The following TECPR2 variants were observed in gnomAD, a reference collection of about 807,000 sequenced individuals.
TECPR2 encodes the protein tectonin beta-propeller repeat containing 2, also known as tectonin beta-propeller repeat-containing protein 2.
Under a neutral mutation model 138.1 loss-of-function variants are expected in TECPR2, and 65 were observed. The ratio of observed to expected loss-of-function variants is 0.47; its 90% CI spans 0.39 to 0.58. The LOEUF is 0.58. TECPR2 is among the 20% of genes least tolerant of loss of function. The probability of loss-of-function intolerance (pLI) is 0.00; values close to 1 mark genes in which losing one functional copy is unlikely to be tolerated. For synonymous variants in TECPR2, 746 were observed against 749.8 expected (o/e 0.99, Z 0.08); for missense variants, 1,553 against 1,824.5 (o/e 0.85, Z 2.71).
chr14:102,429,663 G>A (rs1372407193), intron 7 of TECPR2, among the ~76,000 whole-genome samples: 1 of 152,130 alleles, frequency 6.6e-6, no homozygotes, highest in African/African-American at 2.4e-5. Flanking sequence ...GGGCAAATTG[G>A]GGTGAATATT....
At chr14:102,424,623 C>A (rs1889265284) in intron 5 of TECPR2, among the ~76,000 whole-genome samples, 1 of 152,204 alleles carries the variant, frequency 6.6e-6, no homozygotes, top group Non-Finnish European at 1.5e-5. Flanking sequence ...CATGATGCAT[C>A]CAGCCTGAAT....
intron 17 of TECPR2, among the ~76,000 whole-genome samples, chr14:102,481,192 C>A (rs562943772): frequency 6.6e-6 from 1 of 151,644 alleles, no homozygotes; most frequent in East Asian, 2.0e-4. Context: ...TTAGTAGAGA[C>A]GGGGTTTCTC....
At chr14:102,414,857 G>A in intron 5 of TECPR2, 64 bp downstream of exon 5, 3 of 1,572,856 alleles carry the variant, frequency 1.9e-6, no homozygotes, top group Non-Finnish European at 2.6e-6. Context: ...GGTGCTTTAG[G>A]GTTTCTTAGG....
At chr14:102,483,108 C>G (rs568093219) in intron 17 of TECPR2, among the ~76,000 whole-genome samples, 1 of 152,142 alleles carries the variant, frequency 6.6e-6, no homozygotes, top group Admixed American at 6.5e-5. Context: ...GTCTCGGCCT[C>G]TCAAAGTGCT....
chr14:102,371,924 T>C (rs531404932), intron 1 of TECPR2, among the ~76,000 whole-genome samples: 1 of 152,318 alleles, frequency 6.6e-6, no homozygotes, highest in African/African-American at 2.4e-5. Context: ...TATATACATA[T>C]ATCTGTAGCT....
chr14:102,460,158 T>C (rs1043015389), intron 16 of TECPR2, among the ~76,000 whole-genome samples: 1 of 151,960 alleles, frequency 6.6e-6, no homozygotes, highest in Non-Finnish European at 1.5e-5. Context: ...TAGTCTCAGC[T>C]ACTCAGGAGG....
intron 1 of TECPR2, among the ~76,000 whole-genome samples, chr14:102,364,784 G>C (rs1887298673): frequency 6.6e-6 from 1 of 152,092 alleles, no homozygotes; most frequent in Non-Finnish European, 1.5e-5. Context: ...ATGGCTACTG[G>C]AACTTAGTGG....
intron 9 of TECPR2, among the ~76,000 whole-genome samples, chr14:102,436,751 C>T (rs890968852): frequency 6.6e-6 from 1 of 152,240 alleles, no homozygotes; most frequent in African/African-American, 2.4e-5. Context: ...TGGATTCCAT[C>T]TTCCTGAGCC....
chr14:102,411,698 T>TA (rs1219515960), intron 4 of TECPR2, among the ~76,000 whole-genome samples: 9 of 9,682 alleles, frequency 9.3e-4, no homozygotes, highest in Admixed American at 1.7e-3. Flanking sequence ...GCCATGTTGC[T>TA]CAAAAAAAAA....
At position 102,443,905 on chromosome 14, in the gene TECPR2, C is replaced by T. The variant is rs1889902460; in HGVS notation, c.2933+78C>T. ...CTTGTCCACTTGACACCACAAGGCA[C>T]CATGAGGCCGTTCCTGGGAGGCAGC... On this transcript the variant is annotated intron_variant, in intron 12 of 19. Coordinates refer to ENST00000359520, the MANE Select transcript of TECPR2 (RefSeq NM_014844.5). This position sits in a 1 kb window ranked among gnomAD's most constrained non-coding sequence, Gnocchi z 4.9. 2.9e-6 allele frequency: 4 copies of T among 1,376,284 alleles called. No homozygotes were observed. The highest frequency in any genetic ancestry group is 2.5e-5 in the East Asian group (1 of 40,210). The allele number at this position is 1,376,284 out of a possible 1,614,324, so 85.3% of individuals were successfully genotyped here.
intron 15 of TECPR2, among the ~76,000 whole-genome samples, chr14:102,451,912 C>T (rs10400743): frequency 0.099 from 15,042 of 152,108 alleles, 1,078 homozygotes; most frequent in African/African-American, 0.21. Flanking sequence ...TGCCCCACCC[C>T]CCGGCCCCAT....
At chr14:102,433,966 T>C (rs1199555171) in intron 8 of TECPR2, among the ~76,000 whole-genome samples, 1 of 152,208 alleles carries the variant, frequency 6.6e-6, no homozygotes, top group Non-Finnish European at 1.5e-5. Context: ...TTAATAATTA[T>C]AAGGAATTGG....
chr14:102,384,463 G>T (rs1201079730), intron 2 of TECPR2, among the ~76,000 whole-genome samples: 4 of 151,594 alleles, frequency 2.6e-5, no homozygotes, highest in Non-Finnish European at 4.4e-5. Context: ...CGGATCACGA[G>T]GTCAGGAGTT....
intron 17 of TECPR2, among the ~76,000 whole-genome samples, chr14:102,467,893 G>A (rs1890580938): frequency 6.6e-6 from 1 of 151,376 alleles, no homozygotes; most frequent in Admixed American, 6.6e-5. Flanking sequence ...CTGGAGTGCA[G>A]TGGCGCAATC....
At chr14:102,493,312 G>A (rs971246745) in intron 17 of TECPR2, among the ~76,000 whole-genome samples, 1 of 152,346 alleles carries the variant, frequency 6.6e-6, no homozygotes, top group Non-Finnish European at 1.5e-5. Context: ...CCGCTTTTCT[G>A]TCTTCTCCAC....
intron 9 of TECPR2, 51 bp downstream of exon 9, chr14:102,435,262 G>A: frequency 6.5e-7 from 1 of 1,530,712 alleles, no homozygotes; most frequent in Non-Finnish European, 8.7e-7. Context: ...TTTCTTAAGG[G>A]TAATAATTGT....
Position 102,425,194 on chromosome 14 carries a change from C to A in TECPR2, c.854C>A (p.Pro285His). Residue 285 changes from proline to histidine, a missense_variant, in exon 6 of 20, where the codon CCT becomes CAT. Physicochemically the swap from Pro to His is moderately conservative, Grantham distance 77. Transcript: ENST00000359520. ...ESPNSGSCSL[P>H]ERHLGLVSCF... is the part of the protein sequence containing the mutation. ...CCCAACAGTGGAAGTTGCAGCTTAC[C>A]TGAGAGGCACCTGGGGCTTGTTTCA... 6.2e-7 allele frequency: 1 copy of A among 1,614,124 alleles called. No individual in the cohort carries two copies. The highest frequency in any genetic ancestry group is 8.5e-7 in the Non-Finnish European group (1 of 1,180,018).
chr14:102,432,439 C>G (rs192731428), intron 8 of TECPR2, among the ~76,000 whole-genome samples: 1 of 151,848 alleles, frequency 6.6e-6, no homozygotes, highest in Non-Finnish European at 1.5e-5. Context: ...TTATTTTTTG[C>G]GACAGAGTTT....
intron 17 of TECPR2, among the ~76,000 whole-genome samples, chr14:102,469,782 T>C (rs1890620392): frequency 6.6e-6 from 1 of 152,212 alleles, no homozygotes; most frequent in South Asian, 2.1e-4. Flanking sequence ...GTTCCTAGTT[T>C]GTTCAGTGTT....
Sources: allele counts gnomAD v4.1 joint callset (sites outside exome capture counted in the v4.1 genomes callset), GRCh38; gene constraint gnomAD v4.1.1; non-coding constraint Gnocchi (gnomAD v3.1); transcripts MANE v1.5; gene names NCBI Gene and HGNC (gene_info 2026-07-23, HGNC 2026-07-21).